MYO5B: variants seen among roughly 807,000 people sequenced by gnomAD.
The protein encoded by MYO5B is unconventional myosin-Vb.
Under a neutral mutation model 229.3 loss-of-function variants are expected in MYO5B, and 143 were observed. That is an observed-to-expected ratio of 0.62 (90% CI 0.54 to 0.72). The LOEUF is 0.72. Among genes scored for constraint, MYO5B ranks in the 30% least tolerant of loss-of-function variants. The probability of loss-of-function intolerance (pLI) is 0.00; values close to 1 mark genes in which losing one functional copy is unlikely to be tolerated. For synonymous variants in MYO5B, 918 were observed against 885.2 expected (o/e 1.04, Z -0.66); for missense variants, 2,321 against 2,331.0 (o/e 1.00, Z 0.09).
intron 31 of MYO5B, 95 bp from the exon 32 acceptor site, chr18:49,849,755 C>T: frequency 1.0e-6 from 1 of 963,624 alleles, no homozygotes; most frequent in East Asian, 2.4e-5. Flanking sequence ...ACCAGTGCGG[C>T]CCATGGGCAG....
intron 2 of MYO5B, among the ~76,000 whole-genome samples, chr18:50,046,243 T>G (rs17728849): frequency 6.6e-6 from 1 of 152,146 alleles, no homozygotes; most frequent in South Asian, 2.1e-4. Context: ...CCCTGCACAC[T>G]GGAATCCCTG....
intron 1 of MYO5B, among the ~76,000 whole-genome samples, chr18:50,056,931 C>T (rs2030565388): frequency 2.0e-5 from 3 of 152,184 alleles, no homozygotes; most frequent in Admixed American, 1.3e-4. Context: ...TCATCTGTTT[C>T]ATTACTAAGA....
At chr18:50,109,409 C>T (rs569397967) in intron 1 of MYO5B, among the ~76,000 whole-genome samples, 14 of 151,328 alleles carry the variant, frequency 9.3e-5, no homozygotes, top group Admixed American at 3.3e-4. Flanking sequence ...ACAACTGGTC[C>T]GCTGGTCATG....
intron 5 of MYO5B, among the ~76,000 whole-genome samples, chr18:49,998,270 T>C (rs1003432643): frequency 4.6e-5 from 7 of 152,192 alleles, no homozygotes; most frequent in Non-Finnish European, 1.0e-4. Flanking sequence ...AGGACTTACA[T>C]AATTTCCAAA....
At chr18:50,189,306 G>C (rs1407799211) in intron 1 of MYO5B, among the ~76,000 whole-genome samples, 1 of 152,170 alleles carries the variant, frequency 6.6e-6, no homozygotes, top group Non-Finnish European at 1.5e-5. Flanking sequence ...ACAAGAGAGG[G>C]AAGGAAGTCA....
At chr18:50,081,857 G>A (rs2144471282) in intron 1 of MYO5B, among the ~76,000 whole-genome samples, 1 of 152,158 alleles carries the variant, frequency 6.6e-6, no homozygotes, top group East Asian at 1.9e-4. Context: ...TGGGGAGAAG[G>A]GTTTGAGGCT....
chr18:49,852,204 G>A (rs1430663774), intron 31 of MYO5B, among the ~76,000 whole-genome samples: 1 of 152,264 alleles, frequency 6.6e-6, no homozygotes, highest in Non-Finnish European at 1.5e-5. Flanking sequence ...AGCTAACGCA[G>A]TACCTGCATG....
rs2033083811 is a variant in MYO5B at position 50,182,284 on chromosome 18, A to G, written c.27+12483T>C. ...TTCTGAAAGCCACTGGCTTTGCTAC[A>G]TCTAACAGGACAGGTGGATATCCAT... On this transcript the variant is annotated intron_variant, in intron 1 of 39. Coordinates refer to ENST00000285039, the MANE Select transcript of MYO5B (RefSeq NM_001080467.3). Among the ~76,000 whole-genome samples, 3 of 152,238 alleles carry G rather than the reference A, an allele frequency of 2.0e-5. No homozygotes were observed. The South Asian group carries it at 6.2e-4, about 31-fold the overall frequency.
intron 2 of MYO5B, among the ~76,000 whole-genome samples, chr18:50,054,964 C>T (rs1225280140): frequency 1.3e-5 from 2 of 152,176 alleles, no homozygotes; most frequent in Non-Finnish European, 2.9e-5. Context: ...CTCTCCCTCA[C>T]TTCCCAGTGA....
At chr18:49,937,420 T>A (rs1229417623) in intron 14 of MYO5B, 23 bp from the exon 15 acceptor site, 1 of 1,612,634 alleles carries the variant, frequency 6.2e-7, no homozygotes, top group Non-Finnish European at 8.5e-7. Flanking sequence ...ACAGGAAGAA[T>A]GATGAAAGTG....
chr18:50,136,332 C>G (rs375432110), intron 1 of MYO5B, among the ~76,000 whole-genome samples: 1 of 150,560 alleles, frequency 6.6e-6, no homozygotes. Flanking sequence ...GAAAGGACAT[C>G]AACTGGATAT....
At chr18:49,902,526 G>A in intron 21 of MYO5B, 68 bp downstream of exon 21, 1 of 1,595,556 alleles carries the variant, frequency 6.3e-7, no homozygotes, top group Non-Finnish European at 8.5e-7. Context: ...CAAGGAAGCT[G>A]TGGGCTCTCT....
intron 1 of MYO5B, among the ~76,000 whole-genome samples, chr18:50,062,813 G>A (rs2030721366): frequency 6.6e-6 from 1 of 152,068 alleles, no homozygotes; most frequent in African/African-American, 2.4e-5. Context: ...TATTGGGCTG[G>A]GCTCCCACTA....
chr18:50,102,920 CTT>C (rs111661597), intron 1 of MYO5B, among the ~76,000 whole-genome samples: 34 of 149,958 alleles, frequency 2.3e-4, no homozygotes, highest in Admixed American at 7.3e-4. Context: ...AGAGGGAGTC[CTT>C]TTTTTTTTCT....
chr18:50,010,474 T>C (rs775651565), intron 4 of MYO5B, among the ~76,000 whole-genome samples: 4 of 152,208 alleles, frequency 2.6e-5, no homozygotes, highest in Non-Finnish European at 4.4e-5. Flanking sequence ...AGGTGCCAAT[T>C]CCCTTGCTCT....
At chr18:49,852,069 C>A (rs1450326693) in intron 31 of MYO5B, among the ~76,000 whole-genome samples, 1 of 152,192 alleles carries the variant, frequency 6.6e-6, no homozygotes, top group Non-Finnish European at 1.5e-5. Context: ...AGCAGAGGGG[C>A]CCACTGCACT....
At chr18:50,031,950 C>T (rs930911938) in intron 4 of MYO5B, among the ~76,000 whole-genome samples, 7 of 152,194 alleles carry the variant, frequency 4.6e-5, no homozygotes, top group African/African-American at 1.7e-4. Context: ...GAAGCTCTGC[C>T]TTAAAGGAAG....
chr18:49,877,766 C>T lies in MYO5B; in HGVS notation c.3393G>A (p.Val1131=). 1 of 1,614,094 alleles carries T rather than the reference C, an allele frequency of 6.2e-7. No homozygotes were observed. Among genetic ancestry groups the T allele is most frequent in the Non-Finnish European group, 8.5e-7 (1 of 1,179,956 alleles). The change falls in exon 25 of 40, where the codon GTG becomes GTA. Residue 1131 remains valine, a synonymous_variant. Transcript: ENST00000285039. ...IGDTEDALQQ[V]EEIGLEKAAM... ...CCCAAGAGCCTGCATCACTCACCTC[C>T]ACCTGCTGGAGGGCATCCTCAGTGT...
At chr18:49,893,082 T>A (rs943679203) in intron 22 of MYO5B, among the ~76,000 whole-genome samples, 1 of 152,218 alleles carries the variant, frequency 6.6e-6, no homozygotes, top group Non-Finnish European at 1.5e-5. Context: ...TAAACTCTTA[T>A]GCACTCCCTT....
Sources: gnomAD v4.1 joint callset for allele counts (sites outside exome capture counted in the v4.1 genomes callset) on GRCh38, gnomAD v4.1.1 for gene constraint, MANE v1.5 for transcripts, NCBI Gene and HGNC (gene_info 2026-07-23, HGNC 2026-07-21) for gene names.